HS6ST2: variants seen among roughly 807,000 people sequenced by gnomAD.
HS6ST2 encodes the protein heparan sulfate 6-O-sulfotransferase 2.
HS6ST2 carries 17 observed loss-of-function variants against 33.0 expected under a neutral mutation model. The observed-to-expected ratio is 0.52, with a 90% confidence interval of 0.35 to 0.77. The LOEUF is 0.77. Ranked by LOEUF, HS6ST2 falls within the 30% of genes least tolerant of loss-of-function variation. HS6ST2 has a pLI of 0.01. For missense variants in HS6ST2, 519 were observed against 551.7 expected (o/e 0.94, Z 0.59); for synonymous variants, 248 against 237.1 (o/e 1.05, Z -0.42).
chrX:132,888,676 C>A (rs758943179), intron 2 of HS6ST2, among the ~76,000 whole-genome samples: 6 of 111,340 alleles, frequency 5.4e-5, no homozygotes, highest in African/African-American at 2.0e-4. Flanking sequence ...GCTAATTTTT[C>A]TATTTTTTGT....
intron 2 of HS6ST2, among the ~76,000 whole-genome samples, chrX:132,775,045 G>A (rs1022430300): frequency 5.4e-5 from 6 of 110,631 alleles, no homozygotes; most frequent in Admixed American, 2.9e-4. Context: ...CACTGCTGAC[G>A]ACACTAAGTA....
intron 2 of HS6ST2, among the ~76,000 whole-genome samples, chrX:132,893,425 A>G (rs916096268): frequency 2.7e-5 from 3 of 112,319 alleles, no homozygotes; most frequent in African/African-American, 9.7e-5. Flanking sequence ...GAAGGAAAGG[A>G]GAGGGAGCAG....
intron 3 of HS6ST2, among the ~76,000 whole-genome samples, chrX:132,678,274 G>A (rs781656878): frequency 3.6e-5 from 4 of 112,036 alleles, no homozygotes; most frequent in Admixed American, 9.4e-5. Flanking sequence ...GAAAATGGCT[G>A]GAGCCTGGGA....
At chrX:132,664,994 A>G (rs186843673) in intron 4 of HS6ST2, among the ~76,000 whole-genome samples, 2 of 111,914 alleles carry the variant, frequency 1.8e-5, no homozygotes, top group Admixed American at 9.5e-5. Flanking sequence ...TGCTTCATTG[A>G]TGGAGTAGAT....
At chrX:132,945,954 C>T (rs2066949387) in intron 2 of HS6ST2, among the ~76,000 whole-genome samples, 1 of 110,335 alleles carries the variant, frequency 9.1e-6, no homozygotes, top group African/African-American at 3.3e-5. Flanking sequence ...ACATATGTAA[C>T]AAACCTGCAC....
chrX:132,639,333 A>G (rs1366538792), intron 4 of HS6ST2, among the ~76,000 whole-genome samples: 1 of 112,155 alleles, frequency 8.9e-6, no homozygotes. Flanking sequence ...CCCAGAATCC[A>G]TCCAATTGCT....
At chrX:132,864,671 T>C (rs2065950674) in intron 2 of HS6ST2, among the ~76,000 whole-genome samples, 1 of 110,830 alleles carries the variant, frequency 9.0e-6, no homozygotes, top group Non-Finnish European at 1.9e-5. Flanking sequence ...GGAACCAAGT[T>C]GTAAAACACT....
intron 4 of HS6ST2, among the ~76,000 whole-genome samples, chrX:132,656,884 G>C (rs2063734148): frequency 9.0e-6 from 1 of 111,655 alleles, no homozygotes; most frequent in Non-Finnish European, 1.9e-5. Flanking sequence ...AGAACCCAAG[G>C]GCTGTACAGA....
At chrX:132,834,189 G>T (rs745355238) in intron 2 of HS6ST2, among the ~76,000 whole-genome samples, 1 of 111,526 alleles carries the variant, frequency 9.0e-6, no homozygotes, top group South Asian at 3.8e-4. Context: ...AAAAGAAGAG[G>T]AACGAGGCAA....
intron 2 of HS6ST2, among the ~76,000 whole-genome samples, chrX:132,946,552 G>A (rs1219112431): frequency 9.0e-6 from 1 of 111,424 alleles, no homozygotes; most frequent in East Asian, 2.8e-4. Flanking sequence ...TCATTCATAG[G>A]TGGGAATTGA....
intron 2 of HS6ST2, among the ~76,000 whole-genome samples, chrX:132,734,847 C>T (rs1020949188): frequency 6.2e-5 from 7 of 112,198 alleles, no homozygotes; most frequent in African/African-American, 1.3e-4. Flanking sequence ...GCCTGGATAC[C>T]GTCTTTAGCT....
chrX:132,719,720 T>C (rs2064311590), intron 2 of HS6ST2, among the ~76,000 whole-genome samples: 1 of 112,395 alleles, frequency 8.9e-6, no homozygotes, highest in South Asian at 3.8e-4. Context: ...TCCATTTTTT[T>C]GCAATTGTAA....
chrX:132,850,254 T>A (rs1430554210), intron 2 of HS6ST2, among the ~76,000 whole-genome samples: 1 of 112,339 alleles, frequency 8.9e-6, no homozygotes, highest in Admixed American at 9.5e-5. Context: ...TGTATTATTA[T>A]GTAAATAATG....
intron 2 of HS6ST2, among the ~76,000 whole-genome samples, chrX:132,858,066 C>T (rs1372363515): frequency 8.9e-6 from 1 of 111,839 alleles, no homozygotes; most frequent in Non-Finnish European, 1.9e-5. Context: ...AAATGACCCT[C>T]ACTGTTCTTT....
intron 2 of HS6ST2, among the ~76,000 whole-genome samples, chrX:132,748,743 C>T (rs2064672710): frequency 9.0e-6 from 1 of 111,464 alleles, no homozygotes. Context: ...TCTAGGACCA[C>T]AGGTGTGTGC....
intron 2 of HS6ST2, among the ~76,000 whole-genome samples, chrX:132,861,276 G>A (rs1325390048): frequency 8.9e-6 from 1 of 112,050 alleles, no homozygotes; most frequent in Non-Finnish European, 1.9e-5. Context: ...CTTCACCAAT[G>A]ACTCAGCATT....
In HS6ST2 at chrX:132,627,274, A is replaced by G. The variant is rs1027498067; in HGVS notation, c.*949T>C. The G allele has an allele frequency of 1.8e-5, 2 of 112,819 alleles. No homozygotes were observed. Among genetic ancestry groups the G allele is most frequent in the Non-Finnish European group, 3.8e-5 (2 of 53,306 alleles). 9.3% of individuals were successfully genotyped at this position (112,819 alleles called of 1,213,427 possible). A position where few individuals can be genotyped will look rare whatever the true frequency, so the allele number is the denominator to read the frequency against. ...ACAAATATTGATAAAATAATTCTAT[A>G]GAAAGAAAGTCCTGACTTTAATCCA... On this transcript the variant is annotated 3_prime_UTR_variant, in exon 5 of 5. Transcript: ENST00000370833.
intron 2 of HS6ST2, among the ~76,000 whole-genome samples, chrX:132,761,823 C>T (rs921771919): frequency 9.0e-6 from 1 of 111,526 alleles, no homozygotes; most frequent in African/African-American, 3.3e-5. Context: ...AAATACGGGT[C>T]TGAATCTTCT....
chrX:132,643,477 T>C (rs750493613), intron 4 of HS6ST2, among the ~76,000 whole-genome samples: 4 of 112,119 alleles, frequency 3.6e-5, no homozygotes, highest in Admixed American at 1.9e-4. Context: ...AAATGAAAGA[T>C]GAAAGTGACA....
Sources: allele counts gnomAD v4.1 joint callset (sites outside exome capture counted in the v4.1 genomes callset), GRCh38; gene constraint gnomAD v4.1.1; transcripts MANE v1.5; gene names NCBI Gene and HGNC (gene_info 2026-07-23, HGNC 2026-07-21).